ELP4: variants seen among roughly 807,000 people sequenced by gnomAD.
The protein encoded by ELP4 is elongator complex protein 4.
In ELP4, 51 loss-of-function variants were observed where a neutral mutation model predicts 48.9. The observed-to-expected ratio is 1.04, with a 90% CI of 0.83 to 1.32. The LOEUF (loss-of-function observed/expected upper bound fraction) is 1.32. ELP4 is among the 40% of genes most tolerant of loss of function. The probability of loss-of-function intolerance (pLI) is 0.00; values close to 1 mark genes in which losing one functional copy is unlikely to be tolerated. For missense variants in ELP4, 519 were observed against 514.6 expected, an observed-to-expected ratio of 1.01 and a Z score of -0.08; for synonymous variants, 210 against 189.2, an observed-to-expected ratio of 1.11 and a Z score of -0.90.
chr11:31,782,818 C>T (rs1948407132), intron 9 of ELP4, among the ~76,000 whole-genome samples: 1 of 152,112 alleles, frequency 6.6e-6, no homozygotes, highest in African/African-American at 2.4e-5. Context: ...AAAAAATTGA[C>T]CCTCCGGTTG....
intron 9 of ELP4, among the ~76,000 whole-genome samples, chr11:31,713,575 C>T (rs1014767278): frequency 6.6e-6 from 1 of 152,042 alleles, no homozygotes; most frequent in African/African-American, 2.4e-5. Context: ...TGGATAAGGC[C>T]ATGACCCTTT....
intron 2 of ELP4, among the ~76,000 whole-genome samples, chr11:31,539,202 C>T (rs955956328): frequency 2.6e-5 from 4 of 152,176 alleles, no homozygotes; most frequent in Non-Finnish European, 4.4e-5. Flanking sequence ...CGGTGGCTTA[C>T]GCCTGTAATC....
chr11:31,774,477 T>C (rs550553614), intron 9 of ELP4, among the ~76,000 whole-genome samples: 1 of 152,214 alleles, frequency 6.6e-6, no homozygotes, highest in East Asian at 1.9e-4. Context: ...TCAGTTTAGC[T>C]TGTGGGCTGC....
intron 2 of ELP4, among the ~76,000 whole-genome samples, chr11:31,533,830 G>GT (rs1956450017): frequency 7.0e-6 from 1 of 143,380 alleles, no homozygotes; most frequent in African/African-American, 3.0e-5. Context: ...TTTTGTTTTT[G>GT]TTTTGTTTTG....
At chr11:31,510,524 C>A (rs1205294915) in intron 1 of ELP4, 1 of 404,018 alleles carries the variant, frequency 2.5e-6, no homozygotes, top group Non-Finnish European at 4.4e-6. Context: ...TTTAAGAGAG[C>A]GAATGTTAAA....
At chr11:31,533,649 A>C (rs1008907750) in intron 2 of ELP4, among the ~76,000 whole-genome samples, 1 of 151,402 alleles carries the variant, frequency 6.6e-6, no homozygotes, top group African/African-American at 2.4e-5. Flanking sequence ...TGGCCTCCCA[A>C]AGTGCTGGGA....
At chr11:31,713,166 G>A (rs1946777410) in intron 9 of ELP4, among the ~76,000 whole-genome samples, 1 of 152,088 alleles carries the variant, frequency 6.6e-6, no homozygotes, top group African/African-American at 2.4e-5. Context: ...TGCATAAAGT[G>A]GTGCATGTAT....
intron 9 of ELP4, among the ~76,000 whole-genome samples, chr11:31,725,923 CAAG>C (rs1282416244): frequency 6.6e-6 from 1 of 152,182 alleles, no homozygotes; most frequent in African/African-American, 2.4e-5. Flanking sequence ...GATGCAGCGT[CAAG>C]TTCTTGAGAA....
Position 31,539,598 on chromosome 11 carries a change from G to C in ELP4, c.260-64G>C, listed in dbSNP as rs1057274737. ...ATAAAAACATATGAGTGTGCTTGCTGTTTGATAGCCATTTGATTCTTTTCT... is the reference window on the plus strand; with the variant it reads ...ATAAAAACATATGAGTGTGCTTGCTCTTTGATAGCCATTTGATTCTTTTCT... On this transcript the variant is annotated intron_variant, in intron 2 of 9. Transcript: ENST00000640961. The C allele has an allele frequency of 3.3e-6, 5 of 1,513,066 alleles. No individual in the cohort carries two copies. In the African/African-American group the frequency reaches 4.2e-5, roughly 13 times the overall value. 93.7% of individuals were successfully genotyped at this position (1,513,066 alleles called of 1,614,324 possible). A position where few individuals can be genotyped will look rare whatever the true frequency, so the allele number is the denominator to read the frequency against.
intron 3 of ELP4, among the ~76,000 whole-genome samples, chr11:31,559,554 C>G (rs1956981587): frequency 6.6e-6 from 1 of 152,146 alleles, no homozygotes; most frequent in African/African-American, 2.4e-5. Flanking sequence ...TAAAGACACA[C>G]TGTTTTATGT....
intron 9 of ELP4, among the ~76,000 whole-genome samples, chr11:31,660,462 T>C (rs750403439): frequency 6.6e-6 from 1 of 152,190 alleles, no homozygotes; most frequent in African/African-American, 2.4e-5. Flanking sequence ...TTGTAGTCAG[T>C]AGGCAAAGAA....
chr11:31,775,993 TA>T (rs980378205), intron 9 of ELP4, among the ~76,000 whole-genome samples: 1 of 151,138 alleles, frequency 6.6e-6, no homozygotes, highest in African/African-American at 2.4e-5. Context: ...AATTAAAAAT[TA>T]AAAAAAATCA....
At chr11:31,677,514 C>T (rs1945952302) in intron 9 of ELP4, among the ~76,000 whole-genome samples, 1 of 152,074 alleles carries the variant, frequency 6.6e-6, no homozygotes, top group South Asian at 2.1e-4. Flanking sequence ...GATGCATTTT[C>T]CAGTTTTAAG....
intron 3 of ELP4, among the ~76,000 whole-genome samples, chr11:31,551,830 A>T (rs1340562380): frequency 1.3e-5 from 2 of 152,162 alleles, no homozygotes; most frequent in African/African-American, 2.4e-5. Context: ...CTCTTTTATG[A>T]AATAACGGTG....
intron 5 of ELP4, among the ~76,000 whole-genome samples, chr11:31,614,862 G>T (rs1009902458): frequency 6.6e-6 from 1 of 152,126 alleles, no homozygotes; most frequent in Non-Finnish European, 1.5e-5. Context: ...TAAATCTAAC[G>T]AACTTCCATA....
chr11:31,702,064 A>G (rs1946535039), intron 9 of ELP4, among the ~76,000 whole-genome samples: 1 of 152,116 alleles, frequency 6.6e-6, no homozygotes, highest in Non-Finnish European at 1.5e-5. Context: ...TGAACTTTTT[A>G]GTCTCCTATA....
In ELP4 at chr11:31,551,281, G is replaced by A. The variant is rs146615836; in HGVS notation, c.381+11498G>A. Among the ~76,000 whole-genome samples the A allele has an allele frequency of 8.1e-3, 1,237 of 152,288 alleles. 8 individuals carry two copies. Among genetic ancestry groups the A allele is most frequent in the Middle Eastern group, 0.017 (5 of 294 alleles). On this transcript the variant is annotated intron_variant, in intron 3 of 9. Coordinates refer to ENST00000640961, the MANE Select transcript of ELP4 (RefSeq NM_019040.5). ...CCCTGCAAATCGATGCGGATGGTCTGCAGCTGCAGCCTTCATCGTCAACAT... is the reference window on the plus strand; with the variant it reads ...CCCTGCAAATCGATGCGGATGGTCTACAGCTGCAGCCTTCATCGTCAACAT...
At chr11:31,747,261 A>T (rs535069042) in intron 9 of ELP4, among the ~76,000 whole-genome samples, 5 of 152,210 alleles carry the variant, frequency 3.3e-5, no homozygotes, top group Admixed American at 2.0e-4. Flanking sequence ...TTAATATGAC[A>T]TTAGAGAGTA....
chr11:31,706,556 TATTAA>T (rs1160753307), intron 9 of ELP4, among the ~76,000 whole-genome samples: 1 of 147,984 alleles, frequency 6.8e-6, no homozygotes, highest in African/African-American at 2.4e-5. Context: ...TAATTTAATA[TATTAA>T]ATTAATATAA....
Sources: gnomAD v4.1 joint callset for allele counts (sites outside exome capture counted in the v4.1 genomes callset) on GRCh38, gnomAD v4.1.1 for gene constraint, MANE v1.5 for transcripts, NCBI Gene and HGNC (gene_info 2026-07-23, HGNC 2026-07-21) for gene names.